Variants in SGMS1 observed in about 807,000 individuals in gnomAD.
The protein encoded by SGMS1 is sphingomyelin synthase 1, also known as phosphatidylcholine:ceramide cholinephosphotransferase 1.
A neutral mutation model predicts 46.2 loss-of-function variants in SGMS1; 13 were observed. The observed-to-expected ratio is 0.28, with a 90% CI of 0.18 to 0.45. SGMS1 has a LOEUF of 0.45. SGMS1 is among the 20% of genes least tolerant of loss of function. The pLI, the probability that SGMS1 is intolerant of heterozygous loss-of-function variation, is 1.00. For missense variants in SGMS1, 324 were observed against 519.9 expected, an observed-to-expected ratio of 0.62 and a Z score of 3.66; for synonymous variants, 203 against 187.8, an observed-to-expected ratio of 1.08 and a Z score of -0.66.
intron 6 of SGMS1, among the ~76,000 whole-genome samples, chr10:50,410,152 C>T (rs1371247416): frequency 6.6e-6 from 1 of 152,216 alleles, no homozygotes; most frequent in Non-Finnish European, 1.5e-5. Context: ...CAGAACACCA[C>T]ATTTCCCACA....
At chr10:50,396,726 G>A (rs897743463) in intron 6 of SGMS1, among the ~76,000 whole-genome samples, 9 of 152,132 alleles carry the variant, frequency 5.9e-5, no homozygotes, top group African/African-American at 2.2e-4. Flanking sequence ...ACCAATCATG[G>A]CTGCTTTTAG....
intron 5 of SGMS1, among the ~76,000 whole-genome samples, chr10:50,446,772 G>A (rs1196536435): frequency 2.0e-5 from 3 of 152,164 alleles, no homozygotes; most frequent in African/African-American, 7.2e-5. Flanking sequence ...GTGGACACAA[G>A]AGAACTTTTT....
intron 3 of SGMS1, among the ~76,000 whole-genome samples, chr10:50,482,487 C>T (rs190715045): frequency 1.2e-3 from 178 of 152,188 alleles, no homozygotes; most frequent in African/African-American, 4.0e-3. Context: ...AAATCCTTTT[C>T]GAAACACTGA....
chr10:50,346,185 C>T (rs1046816123), intron 6 of SGMS1, among the ~76,000 whole-genome samples: 9 of 152,192 alleles, frequency 5.9e-5, no homozygotes, highest in Admixed American at 4.6e-4. Flanking sequence ...ATTTCCTTCA[C>T]AGGGTTGTTG....
In SGMS1 at chr10:50,307,085, T is replaced by C; in HGVS notation, c.*57A>G. 1 of 1,527,632 alleles carries C rather than the reference T, an allele frequency of 6.5e-7. No homozygotes were observed. The highest frequency in any genetic ancestry group is 8.9e-7 in the Non-Finnish European group (1 of 1,122,280). 94.6% of individuals were successfully genotyped at this position (1,527,632 alleles called of 1,614,324 possible). On this transcript the variant is annotated 3_prime_UTR_variant, in exon 11 of 11. Transcript: ENST00000361781. This position sits in a 1 kb window ranked among gnomAD's most constrained non-coding sequence, Gnocchi z 4.2. ...GAGGTGTTTATTTTATGGCATCTTCTCTCATGGAGTTCTTAGCACTTCGGA... is the reference window on the plus strand; with the variant it reads ...GAGGTGTTTATTTTATGGCATCTTCCCTCATGGAGTTCTTAGCACTTCGGA...
At chr10:50,333,570 C>T (rs1275997730) in intron 7 of SGMS1, among the ~76,000 whole-genome samples, 1 of 152,154 alleles carries the variant, frequency 6.6e-6, no homozygotes, top group African/African-American at 2.4e-5. Context: ...TAAGGCCTTT[C>T]CACCCATCAC....
intron 2 of SGMS1, among the ~76,000 whole-genome samples, chr10:50,569,114 G>C (rs1838315449): frequency 6.6e-6 from 1 of 151,548 alleles, no homozygotes; most frequent in Non-Finnish European, 1.5e-5. Flanking sequence ...AGAACACATG[G>C]TCACAGGGAG....
chr10:50,573,785 T>A (rs192211557), intron 2 of SGMS1, among the ~76,000 whole-genome samples: 1 of 152,262 alleles, frequency 6.6e-6, no homozygotes, highest in East Asian at 1.9e-4. Flanking sequence ...ATTATGAAGC[T>A]ACAGTAATGA....
At chr10:50,570,549 C>T (rs988192894) in intron 2 of SGMS1, among the ~76,000 whole-genome samples, 12 of 152,152 alleles carry the variant, frequency 7.9e-5, no homozygotes, top group Non-Finnish European at 1.6e-4. Context: ...CAGGCCCAAT[C>T]AAGGTCTATG....
rs1019416605 is a variant in SGMS1, at chr10:50,433,335, C to T, written c.-232+141G>A. 5.9e-5 allele frequency: 9 copies of T among 152,164 alleles called. No homozygotes were observed. The South Asian group carries it at 8.3e-4, about 14-fold the overall frequency. The allele number at this position is 152,164 out of a possible 1,614,324, so 9.4% of individuals were successfully genotyped here. A position where few individuals can be genotyped will look rare whatever the true frequency, so the allele number is the denominator to read the frequency against. On this transcript the variant is annotated intron_variant, in intron 6 of 10. Coordinates refer to ENST00000361781, the MANE Select transcript of SGMS1 (RefSeq NM_147156.4). Reference sequence around the variant, plus strand: ...ATCAAAGTTAGCATCAATTGTTTGACGTGTTTGGATATTTACTTTATAAAA... The same window carrying T: ...ATCAAAGTTAGCATCAATTGTTTGATGTGTTTGGATATTTACTTTATAAAA...
chr10:50,489,973 CAAAAAATAAAAAT>C (rs928342358), intron 3 of SGMS1, among the ~76,000 whole-genome samples: 9 of 151,194 alleles, frequency 6.0e-5, no homozygotes, highest in African/African-American at 7.3e-5. Flanking sequence ...GACTCCATCT[CAAAAAATAAAAAT>C]AAAAAATAAA....
chr10:50,357,562 G>A (rs1040655230), intron 6 of SGMS1, among the ~76,000 whole-genome samples: 36 of 152,076 alleles, frequency 2.4e-4, no homozygotes, highest in African/African-American at 8.0e-4. Context: ...TCTAACACTT[G>A]TTCTAGCACT....
chr10:50,353,758 A>C (rs879223775), intron 6 of SGMS1, among the ~76,000 whole-genome samples: 8 of 152,386 alleles, frequency 5.2e-5, no homozygotes, highest in East Asian at 1.9e-4. Flanking sequence ...ATACAAAATC[A>C]ATGTGCAAAA....
At chr10:50,390,414 G>T (rs1309032025) in intron 6 of SGMS1, among the ~76,000 whole-genome samples, 1 of 152,194 alleles carries the variant, frequency 6.6e-6, no homozygotes, top group East Asian at 1.9e-4. Context: ...CTTTGGTTTT[G>T]AATAAAGCAT....
chr10:50,546,353 C>T (rs1838100629), intron 2 of SGMS1, among the ~76,000 whole-genome samples: 1 of 151,874 alleles, frequency 6.6e-6, no homozygotes, highest in South Asian at 2.1e-4. Flanking sequence ...ACCATTTGAC[C>T]CAGCCATCCC....
At chr10:50,545,311 C>T (rs1838091302) in intron 2 of SGMS1, among the ~76,000 whole-genome samples, 1 of 152,102 alleles carries the variant, frequency 6.6e-6, no homozygotes. Flanking sequence ...TTGTGTGTCC[C>T]CTGTGCTGGG....
intron 6 of SGMS1, among the ~76,000 whole-genome samples, chr10:50,419,350 A>G (rs1184200144): frequency 6.6e-6 from 1 of 152,236 alleles, no homozygotes; most frequent in African/African-American, 2.4e-5. Context: ...TATGTTAAAT[A>G]TCTAAAGAAT....
chr10:50,340,895 T>C (rs1231568577), intron 7 of SGMS1, among the ~76,000 whole-genome samples: 19 of 152,170 alleles, frequency 1.2e-4, no homozygotes. Flanking sequence ...ATAAGAAGGA[T>C]AGACTGATTT....
At chr10:50,362,492 A>G (rs776568902) in intron 6 of SGMS1, among the ~76,000 whole-genome samples, 5 of 152,216 alleles carry the variant, frequency 3.3e-5, no homozygotes, top group Non-Finnish European at 7.3e-5. Flanking sequence ...GATTTATACT[A>G]TCTGCGTAGT....
Sources: gnomAD v4.1 joint callset for allele counts (sites outside exome capture counted in the v4.1 genomes callset) on GRCh38, gnomAD v4.1.1 for gene constraint, Gnocchi (gnomAD v3.1) non-coding constraint, MANE v1.5 for transcripts, NCBI Gene and HGNC (gene_info 2026-07-23, HGNC 2026-07-21) for gene names.